The following GID8 variants were observed in gnomAD, a reference collection of about 807,000 sequenced individuals.
GID8 encodes the protein GID complex subunit 8 homolog, also known as glucose-induced degradation protein 8 homolog.
GID8 carries 6 observed loss-of-function variants against 27.4 expected under a neutral mutation model. That is an observed-to-expected ratio of 0.22 (90% CI 0.12 to 0.43). The LOEUF (loss-of-function observed/expected upper bound fraction) is 0.43, where lower values mean the gene tolerates loss of function less well. Among genes scored for constraint, GID8 ranks in the 20% least tolerant of loss-of-function variants. GID8 has a pLI of 1.00. For synonymous variants in GID8, 112 were observed against 109.0 expected, an observed-to-expected ratio of 1.03 and a Z score of -0.17; for missense variants, 173 against 287.6, an observed-to-expected ratio of 0.60 and a Z score of 2.88.
chr20:62,938,432 C>T (rs936655373), intron 1 of GID8, among the ~76,000 whole-genome samples, 179 bp downstream of exon 1: 1 of 152,040 alleles, frequency 6.6e-6, no homozygotes, highest in Admixed American at 6.5e-5. Context: ...ACGGCCGCCC[C>T]GCGCCGGTGC....
At chr20:62,938,691 A>T (rs902649964) in intron 1 of GID8, 1 of 152,182 alleles carries the variant, frequency 6.6e-6, no homozygotes, top group African/African-American at 2.4e-5. Flanking sequence ...TTTATGCTGG[A>T]GTTTGAGACT....
In GID8 at chr20:62,947,805, C is replaced by T. The variant is rs771098012; in HGVS notation, c.*2893C>T. The T allele has an allele frequency of 6.6e-6, 1 of 152,206 alleles. No individual in the cohort carries two copies. Among genetic ancestry groups the T allele is most frequent in the African/African-American group, 2.4e-5 (1 of 41,436 alleles). 9.4% of individuals were successfully genotyped at this position (152,206 alleles called of 1,614,324 possible). On this transcript the variant is annotated 3_prime_UTR_variant, in exon 5 of 5. Transcript: ENST00000266069. ...TCCTTCCATTCCGTCAGGACGTGATCTGAAAACATGTAGAGAAGATGAGTT... is the reference window on the plus strand; with the variant it reads ...TCCTTCCATTCCGTCAGGACGTGATTTGAAAACATGTAGAGAAGATGAGTT...
chr20:62,942,283 C>T (rs1203180642), intron 2 of GID8, among the ~76,000 whole-genome samples: 1 of 151,460 alleles, frequency 6.6e-6, no homozygotes, highest in Non-Finnish European at 1.5e-5. Flanking sequence ...GACCTTGTCT[C>T]TACAAAAAAA....
Position 62,946,097 on chromosome 20 carries a change from C to T in GID8, c.*1185C>T, listed in dbSNP as rs964433756. The T allele has an allele frequency of 5.4e-6, 6 of 1,111,014 alleles. No homozygotes were observed. The highest frequency in any genetic ancestry group is 4.0e-5 in the South Asian group (3 of 75,192). 68.8% of individuals were successfully genotyped at this position (1,111,014 alleles called of 1,614,324 possible). On this transcript the variant is annotated 3_prime_UTR_variant, in exon 5 of 5. Transcript: ENST00000266069. ...GTTTGGATTCATTGCAGCGGACCAC[C>T]GGGCACTGTTGACCCCACTGAGCAG...
chr20:62,942,644 A>G, intron 2 of GID8, among the ~76,000 whole-genome samples: 1 of 152,174 alleles, frequency 6.6e-6, no homozygotes, highest in Non-Finnish European at 1.5e-5. Context: ...TGACTTGCCT[A>G]ACCTGGCACC....
At chr20:62,944,367 C>G in intron 4 of GID8, among the ~76,000 whole-genome samples, 1 of 152,300 alleles carries the variant, frequency 6.6e-6, no homozygotes. Flanking sequence ...CCTCTTCCCC[C>G]GGGTCCTCTC....
rs2065461923 is a variant in GID8, at chr20:62,945,395, A to C, written c.*483A>C. The stretch of plus-strand genomic sequence containing the variant: ...CTTTTTCCATAGGAAAGAATATATA[A>C]ATTTGTAAATCCTAATTCAAAGATG... On this transcript the variant is annotated 3_prime_UTR_variant, in exon 5 of 5. Coordinates refer to ENST00000266069, the MANE Select transcript of GID8 (RefSeq NM_017896.3). 2.0e-6 allele frequency: 2 copies of C among 985,638 alleles called. No homozygotes were observed. Among genetic ancestry groups the C allele is most frequent in the Non-Finnish European group, 2.4e-6 (2 of 829,046 alleles). 61.1% of individuals were successfully genotyped at this position (985,638 alleles called of 1,614,324 possible).
In GID8 at chr20:62,941,596, C is replaced by G. The variant is rs1373835775; in HGVS notation, c.94C>G (p.Leu32Val). 1 of 1,599,696 alleles carries G rather than the reference C, an allele frequency of 6.3e-7. No individual in the cohort carries two copies. Among genetic ancestry groups the G allele is most frequent in the Non-Finnish European group, 8.6e-7 (1 of 1,166,772 alleles). Residue 32 changes from leucine to valine, a missense_variant, in exon 2 of 5, where the codon CTC (leucine) becomes GTC (valine). Physicochemically the swap from Leu to Val is conservative, Grantham distance 32 (BLOSUM62 1). Transcript: ENST00000266069. Reference sequence around the variant, plus strand: ...TGTCCAGAGAGCAGACATGAACCGCCTCATCATGAACTACCTGGTCACAGG... The same window carrying G: ...TGTCCAGAGAGCAGACATGAACCGCGTCATCATGAACTACCTGGTCACAGG... ...LHVQRADMNR[L>V]IMNYLVTEGF...
Position 62,947,113 on chromosome 20 carries a change from C to T in GID8, c.*2201C>T, listed in dbSNP as rs574234954. 2.0e-5 allele frequency: 3 copies of T among 152,360 alleles called. No homozygotes were observed. The East Asian group carries it at 5.8e-4, about 29-fold the overall frequency. The allele number at this position is 152,360 out of a possible 1,614,324, so 9.4% of individuals were successfully genotyped here. A position where few individuals can be genotyped will look rare whatever the true frequency, so the allele number is the denominator to read the frequency against. ...GTAGCTGATAAGCCAGTGCCAGCAT[C>T]CAGCATGAGCAGATGTCGGGGAGAC... On this transcript the variant is annotated 3_prime_UTR_variant, in exon 5 of 5. Coordinates refer to ENST00000266069, the MANE Select transcript of GID8 (RefSeq NM_017896.3).
At position 62,947,257 on chromosome 20, in the gene GID8, C is replaced by T. The variant is rs1045213319; in HGVS notation, c.*2345C>T. 6.6e-6 allele frequency: 1 copy of T among 152,262 alleles called. No individual in the cohort carries two copies. The highest frequency in any genetic ancestry group is 2.1e-4 in the South Asian group (1 of 4,832). 9.4% of individuals were successfully genotyped at this position (152,262 alleles called of 1,614,324 possible). A position where few individuals can be genotyped will look rare whatever the true frequency, so the allele number is the denominator to read the frequency against. ...CCGATGTTACTGCCTGCCTTCCTTTCGTGTGAGGGGCTGCACTTGCTTTTC... is the reference window on the plus strand; with the variant it reads ...CCGATGTTACTGCCTGCCTTCCTTTTGTGTGAGGGGCTGCACTTGCTTTTC... On this transcript the variant is annotated 3_prime_UTR_variant, in exon 5 of 5. Transcript: ENST00000266069.
rs1301657144 is a variant in GID8 at position 62,946,965 on chromosome 20, G to A, written c.*2053G>A. On this transcript the variant is annotated 3_prime_UTR_variant, in exon 5 of 5. Transcript: ENST00000266069. ...TTCTTAAAACTAGAGGGTGTGAGAAGCACAGCAATAGGAAGTCTCTCCACA... is the reference window on the plus strand; with the variant it reads ...TTCTTAAAACTAGAGGGTGTGAGAAACACAGCAATAGGAAGTCTCTCCACA... 1 of 152,212 alleles carries A rather than the reference G, an allele frequency of 6.6e-6. No individual in the cohort carries two copies. Among genetic ancestry groups the A allele is most frequent in the Non-Finnish European group, 1.5e-5 (1 of 68,048 alleles). 9.4% of individuals were successfully genotyped at this position (152,212 alleles called of 1,614,324 possible). A position where few individuals can be genotyped will look rare whatever the true frequency, so the allele number is the denominator to read the frequency against.
chr20:62,939,873 G>A (rs964431415), intron 1 of GID8, among the ~76,000 whole-genome samples: 2 of 152,160 alleles, frequency 1.3e-5, no homozygotes, highest in Non-Finnish European at 2.9e-5. Flanking sequence ...AGTAGTATGT[G>A]TAACGTATGT....
chr20:62,938,656 C>G (rs1402480785), intron 1 of GID8: 3 of 152,226 alleles, frequency 2.0e-5, no homozygotes, highest in Non-Finnish European at 4.4e-5. Flanking sequence ...CTTCAGCACA[C>G]GGGTGTTTTC....
In GID8 at chr20:62,947,340, T is replaced by C. The variant is rs904527047; in HGVS notation, c.*2428T>C. On this transcript the variant is annotated 3_prime_UTR_variant, in exon 5 of 5. Coordinates refer to ENST00000266069, the MANE Select transcript of GID8 (RefSeq NM_017896.3). ...GAAGTGCTTTGCACACTTTCTTTGC[T>C]CCTTTTTACAGTCTTTGTCTTTGCA... is the stretch of plus-strand genomic sequence containing the variant. 3 of 152,168 alleles carry C rather than the reference T, an allele frequency of 2.0e-5. No individual in the cohort carries two copies. Among genetic ancestry groups the C allele is most frequent in the African/African-American group, 7.2e-5 (3 of 41,382 alleles). The allele number at this position is 152,168 out of a possible 1,614,324, so 9.4% of individuals were successfully genotyped here.
chr20:62,938,703 C>T (rs989711170), intron 1 of GID8: 1 of 152,294 alleles, frequency 6.6e-6, no homozygotes, highest in Non-Finnish European at 1.5e-5. Flanking sequence ...TTTGAGACTA[C>T]CGAGTTCTTC....
At position 62,943,118 on chromosome 20, in the gene GID8, G is replaced by A; in HGVS notation, c.250G>A (p.Ala84Thr). ...GAAAGGTCAGATTCAGGAGGCCATC[G>A]CCTTGATCAACAGCCTCCACCCAGA... Reference protein sequence around the residue: ...ILKGQIQEAIALINSLHPELL... With the variant: ...ILKGQIQEAITLINSLHPELL... Residue 84 changes from alanine to threonine, a missense_variant, in exon 3 of 5, where the codon GCC (alanine) becomes ACC (threonine). By Grantham distance (58) the Ala-to-Thr change is moderately conservative. Transcript: ENST00000266069. The surrounding 1 kb of genome is among the most constrained non-coding windows in gnomAD (Gnocchi z 4.7). 1.4e-5 allele frequency: 22 copies of A among 1,614,118 alleles called. No homozygotes were observed. Among genetic ancestry groups the A allele is most frequent in the Non-Finnish European group, 1.9e-5 (22 of 1,179,958 alleles).
rs1246153060 is a variant in GID8 at position 62,948,066 on chromosome 20, C to A, written c.*3154C>A. On this transcript the variant is annotated 3_prime_UTR_variant, in exon 5 of 5. Transcript: ENST00000266069. Reference sequence around the variant, plus strand: ...GGTGGCCAAGCAGTCTGTGTGCTTCCCCGCTGATGGAGAACGTTGCGTTGT... The same window carrying A: ...GGTGGCCAAGCAGTCTGTGTGCTTCACCGCTGATGGAGAACGTTGCGTTGT... The A allele has an allele frequency of 6.6e-6, 1 of 152,224 alleles. No individual in the cohort carries two copies. Among genetic ancestry groups the A allele is most frequent in the African/African-American group, 2.4e-5 (1 of 41,456 alleles). 9.4% of individuals were successfully genotyped at this position (152,224 alleles called of 1,614,324 possible). A position where few individuals can be genotyped will look rare whatever the true frequency, so the allele number is the denominator to read the frequency against.
In GID8 at chr20:62,943,674, C is replaced by T. The variant is rs775157899; in HGVS notation, c.495C>T (p.His165=). The change falls in exon 4 of 5, where the codon CAC becomes CAT. Residue 165 remains histidine, a synonymous_variant. Transcript: ENST00000266069. The surrounding 1 kb of genome is among the most constrained non-coding windows in gnomAD (Gnocchi z 4.7). The part of the protein sequence containing the change: ...PEESPFGDLL[H]TMQRQKVWSE... ...AGTCGCCCTTCGGAGACCTCCTCCA[C>T]ACCATGCAGAGGCAGAAGGTGGGGC... is the stretch of plus-strand genomic sequence containing the variant. The T allele has an allele frequency of 4.3e-6, 7 of 1,613,256 alleles. No homozygotes were observed. Among genetic ancestry groups the T allele is most frequent in the South Asian group, 1.1e-5 (1 of 91,078 alleles).
rs773422936 is a variant in GID8, at chr20:62,943,921, C to T, written c.513+229C>T. On this transcript the variant is annotated intron_variant, in intron 4 of 4. Coordinates refer to ENST00000266069, the MANE Select transcript of GID8 (RefSeq NM_017896.3). The surrounding 1 kb of genome is among the most constrained non-coding windows in gnomAD (Gnocchi z 4.7). ...CGAGATCTCTGCTCACTGCAACCCC[C>T]GCCTCCTGTGTTCAAGCGATTCTCC... Among the ~76,000 whole-genome samples, 7 of 151,846 alleles carry T rather than the reference C, an allele frequency of 4.6e-5. No homozygotes were observed. Among genetic ancestry groups the T allele is most frequent in the African/African-American group, 1.5e-4 (6 of 41,370 alleles).
Sources: gnomAD v4.1 joint callset for allele counts (sites outside exome capture counted in the v4.1 genomes callset) on GRCh38, gnomAD v4.1.1 for gene constraint, Gnocchi (gnomAD v3.1) non-coding constraint, MANE v1.5 for transcripts, NCBI Gene and HGNC (gene_info 2026-07-23, HGNC 2026-07-21) for gene names.